DOK6: variants seen among roughly 807,000 people sequenced by gnomAD.
DOK6 encodes the protein downstream of tyrosine kinase 6.
In DOK6, 22 loss-of-function variants were observed where a neutral mutation model predicts 44.0. That is an observed-to-expected ratio of 0.50 (90% CI 0.36 to 0.71). DOK6 has a LOEUF of 0.71. DOK6 is among the 30% of genes least tolerant of loss of function. DOK6 has a pLI of 0.00. For missense variants in DOK6, 340 were observed against 416.4 expected (o/e 0.82, Z 1.60); for synonymous variants, 166 against 145.5 (o/e 1.14, Z -1.01).
At chr18:69,426,531 T>C (rs1330690073) in intron 1 of DOK6, among the ~76,000 whole-genome samples, 1 of 152,168 alleles carries the variant, frequency 6.6e-6, no homozygotes, top group Non-Finnish European at 1.5e-5. Context: ...TAGGGGAAGA[T>C]ATAAACGACT....
chr18:69,582,680 C>A (rs1019190407), intron 2 of DOK6, among the ~76,000 whole-genome samples: 2 of 152,066 alleles, frequency 1.3e-5, no homozygotes, highest in Non-Finnish European at 2.9e-5. Context: ...TTCATCTTTC[C>A]ATCTCTGTAA....
At chr18:69,698,638 C>T in intron 5 of DOK6, 45 bp downstream of exon 5, 1 of 1,585,574 alleles carries the variant, frequency 6.3e-7, no homozygotes, top group Non-Finnish European at 8.6e-7. Flanking sequence ...GTCTGTATAA[C>T]AGAGTCTGTA....
At chr18:69,541,627 T>C (rs1053237094) in intron 1 of DOK6, among the ~76,000 whole-genome samples, 7 of 151,466 alleles carry the variant, frequency 4.6e-5, no homozygotes, top group Non-Finnish European at 8.9e-5. Context: ...AGGGAATACA[T>C]TGTGCCAGAA....
At chr18:69,406,247 A>C (rs957555973) in intron 1 of DOK6, among the ~76,000 whole-genome samples, 2 of 152,232 alleles carry the variant, frequency 1.3e-5, no homozygotes, top group African/African-American at 4.8e-5. Flanking sequence ...ATTATCTTCA[A>C]CTGCATGTTC....
At chr18:69,838,030 A>G (rs568523319) in intron 7 of DOK6, among the ~76,000 whole-genome samples, 2 of 152,312 alleles carry the variant, frequency 1.3e-5, no homozygotes, top group African/African-American at 4.8e-5. Flanking sequence ...GGAATTTTTT[A>G]ATAGATGATG....
intron 7 of DOK6, among the ~76,000 whole-genome samples, chr18:69,822,044 C>T (rs1007326251): frequency 3.3e-5 from 5 of 152,166 alleles, no homozygotes; most frequent in Non-Finnish European, 5.9e-5. Flanking sequence ...TCATATATCA[C>T]GAGGTTATTC....
intron 3 of DOK6, among the ~76,000 whole-genome samples, chr18:69,666,667 A>G (rs553573238): frequency 2.0e-5 from 3 of 152,340 alleles, no homozygotes; most frequent in African/African-American, 7.2e-5. Context: ...ACTCAAAAAC[A>G]TGTTCATTGA....
chr18:69,665,309 T>C (rs12953601), intron 3 of DOK6, among the ~76,000 whole-genome samples: 439 of 152,350 alleles, frequency 2.9e-3, no homozygotes, highest in Non-Finnish European at 5.0e-3. Flanking sequence ...TGTGACTCTT[T>C]ATGAGCTAGA....
intron 1 of DOK6, among the ~76,000 whole-genome samples, chr18:69,430,540 TATC>T (rs751271437): frequency 1.6e-4 from 25 of 152,326 alleles, no homozygotes; most frequent in Middle Eastern, 3.4e-3. Context: ...TTAGGATTAG[TATC>T]ATTATTCATT....
At chr18:69,619,123 G>A (rs903984198) in intron 3 of DOK6, among the ~76,000 whole-genome samples, 1 of 151,710 alleles carries the variant, frequency 6.6e-6, no homozygotes, top group Admixed American at 6.5e-5. Context: ...TGGAGAGAAA[G>A]CAAGTAAAGC....
chr18:69,818,181 G>C (rs937560319), intron 7 of DOK6, among the ~76,000 whole-genome samples: 1 of 152,100 alleles, frequency 6.6e-6, no homozygotes, highest in African/African-American at 2.4e-5. Flanking sequence ...CTGCGAACAG[G>C]GGGCATTTTG....
rs949902459 is a variant in DOK6, at chr18:69,637,315, A to C, written c.289+37817A>C. On this transcript the variant is annotated intron_variant, in intron 3 of 7. Coordinates refer to ENST00000382713, the MANE Select transcript of DOK6 (RefSeq NM_152721.6). ...GTGAGTTTAGGAAATGCAATGTAAC[A>C]TGTCTCCCTTTTTTGAAAATTTGTC... is the stretch of plus-strand genomic sequence containing the variant. Among the ~76,000 whole-genome samples, 5 of 152,376 alleles carry C rather than the reference A, an allele frequency of 3.3e-5. No individual in the cohort carries two copies. In the South Asian group the frequency reaches 6.2e-4, roughly 19 times the overall value.
intron 3 of DOK6, among the ~76,000 whole-genome samples, chr18:69,622,340 A>T (rs1485079795): frequency 2.0e-5 from 3 of 152,222 alleles, no homozygotes; most frequent in African/African-American, 7.2e-5. Context: ...TTGTGGAAAC[A>T]CATCACATTG....
intron 1 of DOK6, among the ~76,000 whole-genome samples, chr18:69,431,020 C>CG (rs1432658737): frequency 2.6e-5 from 4 of 152,122 alleles, no homozygotes; most frequent in African/African-American, 9.7e-5. Context: ...GCTCAGTCAA[C>CG]ATAAGACCAC....
intron 4 of DOK6, among the ~76,000 whole-genome samples, chr18:69,683,894 G>A (rs1404079946): frequency 5.3e-5 from 8 of 152,112 alleles, no homozygotes; most frequent in Non-Finnish European, 7.3e-5. Context: ...CCAAACTCAC[G>A]TGACCTAGGT....
rs1344509147 is a variant in DOK6, at chr18:69,827,276, T to C, written c.857-13968T>C. ...CCTCTCCATTCCCAATCTCATCTGC[T>C]ACTACTTGCCATTTGGATTTGGGTA... is the stretch of plus-strand genomic sequence containing the variant. On this transcript the variant is annotated intron_variant, in intron 7 of 7. Transcript: ENST00000382713. Among the ~76,000 whole-genome samples the C allele has an allele frequency of 2.0e-5, 3 of 152,140 alleles. No homozygotes were observed. In the East Asian group the frequency reaches 5.8e-4, roughly 29 times the overall value.
intron 2 of DOK6, among the ~76,000 whole-genome samples, chr18:69,584,400 C>A (rs1983449341): frequency 6.6e-6 from 1 of 152,024 alleles, no homozygotes; most frequent in Non-Finnish European, 1.5e-5. Context: ...ATTCCTGATT[C>A]TCCTGCCTCA....
chr18:69,785,452 G>A (rs1269281105), intron 7 of DOK6, among the ~76,000 whole-genome samples: 2 of 152,036 alleles, frequency 1.3e-5, no homozygotes, highest in East Asian at 1.9e-4. Flanking sequence ...TATGACCCTC[G>A]TTCTGCAGCC....
At chr18:69,466,483 A>C (rs139008121) in intron 1 of DOK6, among the ~76,000 whole-genome samples, 4 of 152,214 alleles carry the variant, frequency 2.6e-5, no homozygotes, top group African/African-American at 9.6e-5. Context: ...ATGAGAGTGC[A>C]GAGTTATCCC....
Sources: gnomAD v4.1 joint callset for allele counts (sites outside exome capture counted in the v4.1 genomes callset) on GRCh38, gnomAD v4.1.1 for gene constraint, MANE v1.5 for transcripts, NCBI Gene and HGNC (gene_info 2026-07-23, HGNC 2026-07-21) for gene names.